Variants in TRPV2 observed in about 807,000 individuals in gnomAD.
TRPV2 encodes the protein transient receptor potential cation channel subfamily V member 2, also known as OTRPC2.
TRPV2 carries 58 observed loss-of-function variants against 91.0 expected under a neutral mutation model. The observed-to-expected ratio is 0.64, with a 90% CI of 0.52 to 0.79. The LOEUF (loss-of-function observed/expected upper bound fraction) is 0.79, where lower values mean the gene tolerates loss of function less well. TRPV2 is among the 30% of genes least tolerant of loss of function. TRPV2 has a pLI of 0.00. For missense variants in TRPV2, 807 were observed against 969.6 expected (o/e 0.83, Z 2.23); for synonymous variants, 417 against 414.8 (o/e 1.01, Z -0.06).
chr17:16,426,598 G>T lies in TRPV2; in HGVS notation c.1096-124G>T. ...CGTGAGGTCCTTTGGGGCTCCTGGG[G>T]TGTGGAAGCCTGCTCCCTGTCCTCT... On this transcript the variant is annotated intron_variant, in intron 6 of 14. Transcript: ENST00000338560. The surrounding 1 kb of genome is among the most constrained non-coding windows in gnomAD (Gnocchi z 6.0). 1 of 1,176,734 alleles carries T rather than the reference G, an allele frequency of 8.5e-7. No individual in the cohort carries two copies. The highest frequency in any genetic ancestry group is 1.2e-6 in the Non-Finnish European group (1 of 852,266). The allele number at this position is 1,176,734 out of a possible 1,614,324, so 72.9% of individuals were successfully genotyped here.
rs375642056 is a variant in TRPV2 at position 16,422,740 on chromosome 17, A to G, written c.476A>G (p.Asp159Gly). 5.7e-6 allele frequency: 9 copies of G among 1,591,660 alleles called. No individual in the cohort carries two copies. In the African/African-American group the frequency reaches 9.4e-5, roughly 17 times the overall value. Residue 159 changes from aspartate (D) to glycine (G), a missense_variant, in exon 4 of 15, where the codon GAC becomes GGC. Physicochemically the swap from Asp to Gly is moderately conservative, Grantham distance 94 (BLOSUM62 -1). Transcript: ENST00000338560. ...QPLVNAQCTDDYYRGHSALHI... is the reference protein window; with the variant it reads ...QPLVNAQCTDGYYRGHSALHI... ...CTGGTAAATGCCCAGTGCACAGATG[A>G]CTATTACCGAGGCCACAGCGCTCTG...
intron 13 of TRPV2, 126 bp from the exon 14 acceptor site, chr17:16,434,764 C>T: frequency 1.2e-6 from 1 of 856,148 alleles, no homozygotes; most frequent in Non-Finnish European, 1.8e-6. Context: ...CTGTCCTCCT[C>T]AGGGCCTCTG....
chr17:16,422,970 A>G, intron 4 of TRPV2, 81 bp downstream of exon 4: 2 of 1,462,406 alleles, frequency 1.4e-6, no homozygotes, highest in Non-Finnish European at 1.8e-6. Flanking sequence ...TGTATGACAG[A>G]GCTGGCAGTT....
At chr17:16,431,293 T>TGTATATATATACATA (rs1568919199) in intron 10 of TRPV2, among the ~76,000 whole-genome samples, 3 of 44,976 alleles carry the variant, frequency 6.7e-5, no homozygotes, top group African/African-American at 4.6e-4. Context: ...ATATACATAT[T>TGTATATATATACATA]TTTTTTTTTT....
chr17:16,431,283 ATATACATAT>A (rs1209708650), intron 10 of TRPV2, among the ~76,000 whole-genome samples: 12 of 51,298 alleles, frequency 2.3e-4, no homozygotes, highest in East Asian at 3.9e-4. Context: ...ATATATATAT[ATATACATAT>A]TTTTTTTTTT....
At chr17:16,430,018 C>T (rs1174689687) in intron 10 of TRPV2, among the ~76,000 whole-genome samples, 5 of 152,198 alleles carry the variant, frequency 3.3e-5, no homozygotes, top group African/African-American at 9.6e-5. Context: ...GCACCCACCA[C>T]CATGCCCGGC....
chr17:16,428,191 G>A (rs2093393099), intron 8 of TRPV2, 126 bp from the exon 9 acceptor site: 2 of 820,374 alleles, frequency 2.4e-6, no homozygotes, highest in Non-Finnish European at 4.1e-6. Context: ...AAGTATTCAT[G>A]AGTCCCCCAA....
intron 3 of TRPV2, 53 bp from the exon 4 acceptor site, chr17:16,422,546 G>A: frequency 6.4e-7 from 1 of 1,571,820 alleles, no homozygotes; most frequent in Non-Finnish European, 8.6e-7. Flanking sequence ...GGGCAGCCCA[G>A]CCACTCCAGG....
Position 16,426,878 on chromosome 17 carries a change from G to C in TRPV2, c.1251+1G>C. ...CTACCATCAGCCTACCCTGAAGAAGGCAAGGGCGTGAGGTTTGGGGGGGCA... is the reference window on the plus strand; with the variant it reads ...CTACCATCAGCCTACCCTGAAGAAGCCAAGGGCGTGAGGTTTGGGGGGGCA... On this transcript the variant is annotated splice_donor_variant, in intron 7 of 14. Transcript: ENST00000338560. LOFTEE classifies it high-confidence loss of function. The surrounding 1 kb of genome is among the most constrained non-coding windows in gnomAD (Gnocchi z 6.0). 1 of 1,612,154 alleles carries C rather than the reference G, an allele frequency of 6.2e-7. No individual in the cohort carries two copies. The highest frequency in any genetic ancestry group is 8.5e-7 in the Non-Finnish European group (1 of 1,179,262).
intron 3 of TRPV2, among the ~76,000 whole-genome samples, chr17:16,422,194 G>A (rs1240531726): frequency 1.3e-5 from 2 of 151,700 alleles, no homozygotes; most frequent in Non-Finnish European, 2.9e-5. Context: ...GTGGCGGTGT[G>A]CGCCTGTGGT....
rs1486576252 is a variant in TRPV2 at position 16,435,486 on chromosome 17, G to A, written c.2194+517G>A. 2.0e-5 allele frequency among the ~76,000 whole-genome samples: 3 copies of A among 151,998 alleles called. No homozygotes were observed. The highest frequency in any genetic ancestry group is 2.9e-5 in the Non-Finnish European group (2 of 67,994). The stretch of plus-strand genomic sequence containing the variant: ...AAACCACTTCCCATGCTTCCTCCAT[G>A]TCCGTGGCCTGTGTCCTCTCCGTTC... On this transcript the variant is annotated intron_variant, in intron 14 of 14. Transcript: ENST00000338560. The surrounding 1 kb of genome is among the most constrained non-coding windows in gnomAD (Gnocchi z 4.2).
chr17:16,421,767 C>T (rs1023701736), intron 3 of TRPV2, among the ~76,000 whole-genome samples: 7 of 151,080 alleles, frequency 4.6e-5, no homozygotes, highest in East Asian at 2.0e-4. Context: ...ATCTGCCCAC[C>T]TTGGCCTCCC....
intron 10 of TRPV2, among the ~76,000 whole-genome samples, chr17:16,431,278 T>C (rs1370086836): frequency 3.9e-5 from 3 of 77,794 alleles, no homozygotes; most frequent in Non-Finnish European, 7.2e-5. Context: ...TATATATATA[T>C]ATATATATAC....
At chr17:16,432,403 G>A (rs981583222) in intron 12 of TRPV2, 103 bp downstream of exon 12, 121 of 1,023,296 alleles carry the variant, frequency 1.2e-4, no homozygotes, top group Non-Finnish European at 1.6e-4. Context: ...AGGAGATGCC[G>A]GGTTGGGCAG....
rs745595215 is a variant in TRPV2, at chr17:16,426,074, G to A, written c.925-25G>A. ...TCAGTGCCAGGAAGGGACCATGAAT[G>A]CAAGCTCATATGGCCACCCTGCAGA... On this transcript the variant is annotated intron_variant, in intron 5 of 14. Coordinates refer to ENST00000338560, the MANE Select transcript of TRPV2 (RefSeq NM_016113.5). This position sits in a 1 kb window ranked among gnomAD's most constrained non-coding sequence, Gnocchi z 6.0. 18 of 1,613,432 alleles carry A rather than the reference G, an allele frequency of 1.1e-5. No individual in the cohort carries two copies. The highest frequency in any genetic ancestry group is 6.6e-5 in the South Asian group (6 of 91,044).
intron 1 of TRPV2, 95 bp from the exon 2 acceptor site, chr17:16,417,467 C>G (rs1422881658): frequency 3.7e-6 from 2 of 534,252 alleles, no homozygotes; most frequent in African/African-American, 1.9e-5. Flanking sequence ...TGGTCTCTAA[C>G]AGCTGACCAG....
At chr17:16,423,798 C>T in intron 5 of TRPV2, 31 bp downstream of exon 5, 1 of 1,523,194 alleles carries the variant, frequency 6.6e-7, no homozygotes, top group Non-Finnish European at 8.8e-7. Flanking sequence ...CACTTCCCCT[C>T]TCCAGGAAGC....
chr17:16,433,024 T>C (rs2093420520), intron 12 of TRPV2, among the ~76,000 whole-genome samples: 1 of 152,184 alleles, frequency 6.6e-6, no homozygotes. Context: ...AAGCTGGTCT[T>C]GAACTCCTGA....
rs544647578 is a variant in TRPV2 at position 16,427,343 on chromosome 17, C to A, written c.1252-106C>A. The A allele has an allele frequency of 8.4e-6, 9 of 1,065,506 alleles. No homozygotes were observed. In the South Asian group the frequency reaches 1.2e-4, roughly 15 times the overall value. 66.0% of individuals were successfully genotyped at this position (1,065,506 alleles called of 1,614,324 possible). A position where few individuals can be genotyped will look rare whatever the true frequency, so the allele number is the denominator to read the frequency against. On this transcript the variant is annotated intron_variant, in intron 7 of 14. Coordinates refer to ENST00000338560, the MANE Select transcript of TRPV2 (RefSeq NM_016113.5). ...CATGTTCCCATGCCGTTCTGAGGAG[C>A]CTCTCCACAGCTCAGGCTCAGAGTA...
Sources: gnomAD v4.1 joint callset for allele counts (sites outside exome capture counted in the v4.1 genomes callset) on GRCh38, gnomAD v4.1.1 for gene constraint, Gnocchi (gnomAD v3.1) non-coding constraint, MANE v1.5 for transcripts, NCBI Gene and HGNC (gene_info 2026-07-23, HGNC 2026-07-21) for gene names.